Variants in KLHL1 observed in about 807,000 individuals in gnomAD.
The protein encoded by KLHL1 is kelch like family member 1, also known as kelch-like protein 1.
In KLHL1, 47 loss-of-function variants were observed where a neutral mutation model predicts 77.7. The ratio of observed to expected loss-of-function variants is 0.60; its 90% CI spans 0.48 to 0.77. KLHL1 has a LOEUF of 0.77. KLHL1 is among the 30% of genes least tolerant of loss of function. The pLI is 0.00. For missense variants in KLHL1, 925 were observed against 910.8 expected (o/e 1.02, Z -0.20); for synonymous variants, 360 against 325.2 (o/e 1.11, Z -1.15).
intron 6 of KLHL1, among the ~76,000 whole-genome samples, chr13:69,816,563 G>C (rs540763074): frequency 6.6e-6 from 1 of 151,934 alleles, no homozygotes; most frequent in Non-Finnish European, 1.5e-5. Flanking sequence ...TGGCCTGGAA[G>C]TTGAATTTTT....
In KLHL1 at chr13:70,036,835, CTTTTTTTTTTT is replaced by C. The variant is rs5804467; in HGVS notation, c.498-61044_498-61034del. Among the ~76,000 whole-genome samples the C allele has an allele frequency of 2.2e-3, 112 of 50,708 alleles. 1 individual carries two copies. Among genetic ancestry groups the C allele is most frequent in the African/African-American group, 8.1e-3 (110 of 13,604 alleles). The allele number at this position is 50,708 out of a possible 152,430, so 33.3% of individuals were successfully genotyped here. ...TTGGGTTTGATTTTAATGCCATGGT[CTTTTTTTTTTT>C]TTTTTTTTTTTTTCTGTCTCAGTTT... On this transcript the variant is annotated intron_variant, in intron 1 of 10. Transcript: ENST00000377844.
chr13:69,795,013 T>C (rs1397136699), intron 7 of KLHL1, among the ~76,000 whole-genome samples: 2 of 152,190 alleles, frequency 1.3e-5, no homozygotes, highest in Admixed American at 1.3e-4. Flanking sequence ...GCCGAGGATG[T>C]TTATTGTATT....
At chr13:69,963,119 T>C (rs1037921968) in intron 2 of KLHL1, among the ~76,000 whole-genome samples, 1 of 152,132 alleles carries the variant, frequency 6.6e-6, no homozygotes, top group Non-Finnish European at 1.5e-5. Context: ...TGTTGTGCAG[T>C]GGCATGATCA....
intron 6 of KLHL1, among the ~76,000 whole-genome samples, chr13:69,827,474 G>A (rs149904985): frequency 0.02 from 3,032 of 152,192 alleles, 51 homozygotes; most frequent in Middle Eastern, 0.031. Context: ...GCTCACGCCT[G>A]TAATCCCAGC....
At chr13:69,707,526 G>T (rs1388565275) in intron 10 of KLHL1, 99 bp downstream of exon 10, 3 of 1,116,664 alleles carry the variant, frequency 2.7e-6, no homozygotes, top group African/African-American at 3.1e-5. Flanking sequence ...TTGGTTTAGG[G>T]TAATTAGACT....
chr13:69,710,195 A>G (rs1032011412), intron 9 of KLHL1, among the ~76,000 whole-genome samples: 1 of 151,802 alleles, frequency 6.6e-6, no homozygotes. Flanking sequence ...GTGAAACTCA[A>G]ATGTTGCAGG....
intron 7 of KLHL1, among the ~76,000 whole-genome samples, chr13:69,743,674 T>G (rs935511647): frequency 6.6e-6 from 1 of 151,838 alleles, no homozygotes; most frequent in Non-Finnish European, 1.5e-5. Context: ...TAATCCCAGC[T>G]ACTTGGGAGG....
chr13:69,770,326 T>C (rs66985863), intron 7 of KLHL1, among the ~76,000 whole-genome samples: 55,302 of 152,098 alleles, frequency 0.36, 10,276 homozygotes, highest in African/African-American at 0.43. Flanking sequence ...CAGAGTGAGC[T>C]GAGCAGGCAT....
intron 8 of KLHL1, among the ~76,000 whole-genome samples, chr13:69,730,105 C>T (rs1204409028): frequency 3.3e-5 from 5 of 152,038 alleles, no homozygotes; most frequent in African/African-American, 4.8e-5. Context: ...CAAGACTCTG[C>T]GTTAAATATT....
chr13:69,854,469 G>A (rs1879811150), intron 5 of KLHL1, among the ~76,000 whole-genome samples: 1 of 151,940 alleles, frequency 6.6e-6, no homozygotes, highest in African/African-American at 2.4e-5. Flanking sequence ...CCTCTACCAT[G>A]ACCCAAACAC....
At chr13:69,732,537 C>T (rs1310705353) in intron 8 of KLHL1, among the ~76,000 whole-genome samples, 1 of 152,154 alleles carries the variant, frequency 6.6e-6, no homozygotes, top group Non-Finnish European at 1.5e-5. Context: ...GGCTAAATCT[C>T]TGAAAACCAC....
intron 4 of KLHL1, among the ~76,000 whole-genome samples, chr13:69,911,765 C>T (rs1882247625): frequency 6.6e-6 from 1 of 151,974 alleles, no homozygotes; most frequent in Non-Finnish European, 1.5e-5. Context: ...TATTATATTT[C>T]ATTGATTTGA....
At chr13:69,720,964 T>G (rs2137896291) in intron 8 of KLHL1, among the ~76,000 whole-genome samples, 1 of 131,396 alleles carries the variant, frequency 7.6e-6, no homozygotes, top group African/African-American at 2.7e-5. Context: ...AAATAAATCC[T>G]GGGACTCCCA....
intron 3 of KLHL1, among the ~76,000 whole-genome samples, chr13:69,949,639 C>T (rs189557417): frequency 5.9e-5 from 9 of 151,798 alleles, no homozygotes; most frequent in East Asian, 1.9e-4. Context: ...ATCTCCATGA[C>T]GGTGGAATAA....
chr13:70,060,803 A>AC (rs1886861762), intron 1 of KLHL1, among the ~76,000 whole-genome samples: 2 of 151,890 alleles, frequency 1.3e-5, no homozygotes, highest in Non-Finnish European at 2.9e-5. Flanking sequence ...CCGAGATGGC[A>AC]CCATTGCACT....
intron 4 of KLHL1, among the ~76,000 whole-genome samples, chr13:69,920,990 AT>A (rs1178308698): frequency 6.6e-6 from 1 of 152,184 alleles, no homozygotes; most frequent in Non-Finnish European, 1.5e-5. Context: ...TAACCAACTT[AT>A]GTTGTTTTAG....
intron 2 of KLHL1, among the ~76,000 whole-genome samples, chr13:69,967,754 G>GCGTGCC (rs1306140376): frequency 6.6e-6 from 1 of 151,912 alleles, no homozygotes; most frequent in African/African-American, 2.4e-5. Flanking sequence ...GCGTGGTGGC[G>GCGTGCC]CGTGCCTGTA....
chr13:69,787,802 A>G (rs1876637279), intron 7 of KLHL1, among the ~76,000 whole-genome samples: 1 of 151,856 alleles, frequency 6.6e-6, no homozygotes, highest in Non-Finnish European at 1.5e-5. Context: ...ATGAACTCAA[A>G]TTTACAAGAA....
chr13:70,088,242 C>G (rs886653567), intron 1 of KLHL1, among the ~76,000 whole-genome samples: 1 of 152,154 alleles, frequency 6.6e-6, no homozygotes, highest in Non-Finnish European at 1.5e-5. Flanking sequence ...AATAGATGCT[C>G]TGTAAATGTA....
Sources: allele counts gnomAD v4.1 joint callset (sites outside exome capture counted in the v4.1 genomes callset), GRCh38; gene constraint gnomAD v4.1.1; transcripts MANE v1.5; gene names NCBI Gene and HGNC (gene_info 2026-07-23, HGNC 2026-07-21).